Variants in ZNF33B observed in about 807,000 individuals in gnomAD.
The protein encoded by ZNF33B is zinc finger protein 11b (KOX 2).
Under a neutral mutation model 45.8 loss-of-function variants are expected in ZNF33B, and 29 were observed. The ratio of observed to expected loss-of-function variants is 0.63; its 90% CI spans 0.47 to 0.86. The LOEUF (loss-of-function observed/expected upper bound fraction) is 0.86. Ranked by LOEUF, ZNF33B falls within the 40% of genes least tolerant of loss-of-function variation. ZNF33B has a pLI of 0.00. For missense variants in ZNF33B, 831 were observed against 909.9 expected (o/e 0.91, Z 1.12); for synonymous variants, 305 against 307.8 (o/e 0.99, Z 0.10).
At chr10:42,622,066 A>G (rs749675274) in intron 4 of ZNF33B, among the ~76,000 whole-genome samples, 2 of 152,226 alleles carry the variant, frequency 1.3e-5, no homozygotes, top group African/African-American at 2.4e-5. Flanking sequence ...GAAAATTAAG[A>G]AAACAATTCT....
At chr10:42,612,522 C>T (rs979291916) in intron 4 of ZNF33B, among the ~76,000 whole-genome samples, 1 of 152,072 alleles carries the variant, frequency 6.6e-6, no homozygotes, top group African/African-American at 2.4e-5. Context: ...AGGCGTAATC[C>T]ACTGCACCCA....
chr10:42,587,568 G>A (rs112602862), downstream of ZNF33B, among the ~76,000 whole-genome samples: 6,169 of 152,240 alleles, frequency 0.041, 187 homozygotes, highest in Non-Finnish European at 0.057. Context: ...GACTTTTGGA[G>A]GGGACACAAA....
Position 42,590,518 on chromosome 10 carries a change from TG to T in ZNF33B, c.*2094del. On this transcript the variant is annotated 3_prime_UTR_variant, in exon 5 of 5. Transcript: ENST00000359467. ...TTCTGCCTCAGCCTCCTGAGTAGCT[TG>T]GACTATACACGCATGCCACCACGCC... 1 of 152,238 alleles carries T rather than the reference TG, an allele frequency of 6.6e-6. No individual in the cohort carries two copies. The highest frequency in any genetic ancestry group is 3.4e-3 in the Middle Eastern group (1 of 296). 9.4% of individuals were successfully genotyped at this position (152,238 alleles called of 1,614,324 possible).
chr10:42,607,485 A>G (rs1250115422), intron 4 of ZNF33B, among the ~76,000 whole-genome samples: 2 of 152,146 alleles, frequency 1.3e-5, no homozygotes, highest in African/African-American at 2.4e-5. Flanking sequence ...TCTCTATGTG[A>G]TATGTCTGGG....
intron 1 of ZNF33B, among the ~76,000 whole-genome samples, chr10:42,575,705 CATA>C (rs1183425406): frequency 1.4e-5 from 2 of 144,456 alleles, no homozygotes; most frequent in Non-Finnish European, 3.0e-5. Context: ...ATAATGACTG[CATA>C]ATAATATATA....
rs552020328 is a variant in ZNF33B at position 42,581,345 on chromosome 10, TC to T, written c.74-6668del. Among the ~76,000 whole-genome samples the T allele has an allele frequency of 3.5e-3, 530 of 150,938 alleles. 2 individuals carry two copies. The highest frequency in any genetic ancestry group is 0.027 in the Middle Eastern group (8 of 292). On this transcript the variant is annotated intron_variant, in intron 1 of 1. Transcript: ENST00000462075. ...CAGGCGTGGTGGTATCTGCCTGTAA[TC>T]CCAACTACTCGGGAGGCTGAGACAG...
At chr10:42,631,737 C>G in intron 4 of ZNF33B, 192 bp downstream of exon 4, 1 of 558,380 alleles carries the variant, frequency 1.8e-6, no homozygotes, top group Non-Finnish European at 3.2e-6. Flanking sequence ...AAAAATGATT[C>G]TAAAAGGAAA....
chr10:42,575,644 T>G (rs1342566223), intron 1 of ZNF33B, among the ~76,000 whole-genome samples: 1 of 151,614 alleles, frequency 6.6e-6, no homozygotes, highest in Non-Finnish European at 1.5e-5. Context: ...ATACCACTAG[T>G]GTCATTTTAT....
At chr10:42,634,070 T>C (rs1311277862) in intron 2 of ZNF33B, among the ~76,000 whole-genome samples, 3 of 150,554 alleles carry the variant, frequency 2.0e-5, no homozygotes, top group Admixed American at 2.0e-4. Flanking sequence ...CAAGAGAAAA[T>C]CAGAAGGATG....
At chr10:42,623,369 T>C (rs769291475) in intron 4 of ZNF33B, among the ~76,000 whole-genome samples, 1 of 152,240 alleles carries the variant, frequency 6.6e-6, no homozygotes, top group Non-Finnish European at 1.5e-5. Flanking sequence ...CCTAGGTTTA[T>C]ATCCAAAAGA....
At chr10:42,587,096 C>T (rs1836950676), downstream of ZNF33B, among the ~76,000 whole-genome samples, 1 of 152,156 alleles carries the variant, frequency 6.6e-6, no homozygotes, top group South Asian at 2.1e-4. Context: ...CTCCTAAGAT[C>T]ACTAATCATT....
At chr10:42,584,543 CAG>C (rs1000509670), downstream of ZNF33B, among the ~76,000 whole-genome samples, 26 of 150,584 alleles carry the variant, frequency 1.7e-4, no homozygotes, top group African/African-American at 5.9e-4. Flanking sequence ...TTTTTTGAGA[CAG>C]AGTTTCGCTC....
chr10:42,586,754 TTCC>T (rs1162296207), downstream of ZNF33B, among the ~76,000 whole-genome samples: 1 of 152,172 alleles, frequency 6.6e-6, no homozygotes, highest in Non-Finnish European at 1.5e-5. Context: ...TCCCAACATA[TTCC>T]TCATGTGCAG....
intron 4 of ZNF33B, among the ~76,000 whole-genome samples, chr10:42,595,833 A>G (rs1415381056): frequency 5.3e-5 from 8 of 152,230 alleles, no homozygotes; most frequent in Non-Finnish European, 1.0e-4. Flanking sequence ...CCTTGACTTT[A>G]GAATTACAGC....
chr10:42,588,049 A>G (rs113893766), downstream of ZNF33B, among the ~76,000 whole-genome samples: 1 of 151,652 alleles, frequency 6.6e-6, no homozygotes, highest in Non-Finnish European at 1.5e-5. Flanking sequence ...GTGCAATAAC[A>G]AACAATAGTC....
intron 4 of ZNF33B, among the ~76,000 whole-genome samples, chr10:42,616,191 C>T (rs1471425975): frequency 6.6e-6 from 1 of 151,860 alleles, no homozygotes; most frequent in Admixed American, 6.6e-5. Flanking sequence ...TGAGACCATG[C>T]CACTGCACTC....
rs781476578 is a variant in ZNF33B at position 42,593,175 on chromosome 10, T to C, written c.1775A>G (p.Asn592Ser). The C allele has an allele frequency of 2.5e-6, 4 of 1,613,620 alleles. No homozygotes were observed. Among genetic ancestry groups the C allele is most frequent in the Admixed American group, 3.3e-5 (2 of 59,940 alleles). ...ATTATGTTTTGTTAGGTATGATTTA[T>C]TGTAAAAGATTTTTCCACATTCATG... ...ECHECGKIFY[N>S]KSYLTKHNRT... is the part of the protein sequence containing the mutation. Residue 592 changes from asparagine to serine, a missense_variant, in exon 5 of 5, where the codon AAT becomes AGT. Physicochemically the swap from Asn to Ser is conservative, Grantham distance 46. Transcript: ENST00000359467.
At chr10:42,583,466 G>T (rs982512747) in intron 1 of ZNF33B, 2 of 260,748 alleles carry the variant, frequency 7.7e-6, no homozygotes, top group Non-Finnish European at 7.7e-6. Flanking sequence ...AATGGGAGCT[G>T]GTATCTTCAA....
chr10:42,612,825 G>T (rs1475060298), intron 4 of ZNF33B, among the ~76,000 whole-genome samples: 1 of 152,038 alleles, frequency 6.6e-6, no homozygotes, highest in Non-Finnish European at 1.5e-5. Flanking sequence ...GAAACCAAAA[G>T]AGTCTGATAA....
Sources: allele counts gnomAD v4.1 joint callset (sites outside exome capture counted in the v4.1 genomes callset), GRCh38; gene constraint gnomAD v4.1.1; transcripts MANE v1.5; gene names NCBI Gene and HGNC (gene_info 2026-07-23, HGNC 2026-07-21).